Variants in MSRA observed in about 807,000 individuals in gnomAD.
The protein encoded by MSRA is methionine sulfoxide reductase A, also known as mitochondrial peptide methionine sulfoxide reductase.
A neutral mutation model predicts 31.3 loss-of-function variants in MSRA; 54 were observed. That is an observed-to-expected ratio of 1.73 (90% CI 1.39 to 2.17). The LOEUF (loss-of-function observed/expected upper bound fraction) is 2.17. Ranked by LOEUF, MSRA falls within the 30% of genes most tolerant of loss-of-function variation. The probability of loss-of-function intolerance (pLI) is 0.00; values close to 1 mark genes in which losing one functional copy is unlikely to be tolerated. For missense variants in MSRA, 507 were observed against 300.9 expected (o/e 1.69, Z -5.07); for synonymous variants, 169 against 116.5 (o/e 1.45, Z -2.90).
chr8:10,265,528 A>G (rs1489472404), intron 3 of MSRA, among the ~76,000 whole-genome samples: 14 of 152,368 alleles, frequency 9.2e-5, no homozygotes, highest in African/African-American at 3.4e-4. Context: ...ATTGTCAGGC[A>G]GCTAGCCCAT....
At chr8:10,077,238 C>T (rs1310511420) in intron 1 of MSRA, among the ~76,000 whole-genome samples, 3 of 152,046 alleles carry the variant, frequency 2.0e-5, no homozygotes, top group East Asian at 1.9e-4. Flanking sequence ...AGAGGGAGGG[C>T]GAGAGCCAGG....
At chr8:10,070,423 G>A (rs984180395) in intron 1 of MSRA, among the ~76,000 whole-genome samples, 5 of 152,170 alleles carry the variant, frequency 3.3e-5, no homozygotes, top group African/African-American at 1.2e-4. Flanking sequence ...TTTCAATTAA[G>A]TTTTAAATTT....
intron 5 of MSRA, among the ~76,000 whole-genome samples, chr8:10,390,179 C>T (rs562374898): frequency 2.0e-5 from 3 of 152,202 alleles, no homozygotes; most frequent in Admixed American, 1.3e-4. Flanking sequence ...GGGGAGTGCT[C>T]GGCACCTATA....
intron 1 of MSRA, among the ~76,000 whole-genome samples, chr8:10,142,903 C>G (rs1343116330): frequency 6.6e-6 from 1 of 152,014 alleles, no homozygotes; most frequent in Non-Finnish European, 1.5e-5. Flanking sequence ...TTTTTATTTC[C>G]AAAAACTCTA....
chr8:10,131,386 A>G (rs932500737), intron 1 of MSRA, among the ~76,000 whole-genome samples: 1 of 152,234 alleles, frequency 6.6e-6, no homozygotes, highest in African/African-American at 2.4e-5. Context: ...TTTCAAGGAT[A>G]TGTAGGATTT....
chr8:10,124,344 C>A (rs17689674), intron 1 of MSRA, among the ~76,000 whole-genome samples: 81,049 of 151,972 alleles, frequency 0.53, 22,678 homozygotes, highest in East Asian at 0.96. Flanking sequence ...AGGGCTTTTC[C>A]CTAAGGAGAG....
chr8:10,169,553 G>A (rs1805424508), intron 1 of MSRA, among the ~76,000 whole-genome samples: 1 of 152,194 alleles, frequency 6.6e-6, no homozygotes, highest in South Asian at 2.1e-4. Flanking sequence ...CTGTGACTTT[G>A]TGTTAGGCAA....
At chr8:10,098,220 T>A (rs551113045) in intron 1 of MSRA, among the ~76,000 whole-genome samples, 1 of 152,284 alleles carries the variant, frequency 6.6e-6, no homozygotes, top group South Asian at 2.1e-4. Context: ...TACTATTGGT[T>A]TGATTGTAAA....
chr8:10,176,988 A>G (rs1238268906), intron 1 of MSRA, among the ~76,000 whole-genome samples: 1 of 152,248 alleles, frequency 6.6e-6, no homozygotes, highest in Non-Finnish European at 1.5e-5. Flanking sequence ...ACCCAGTTTC[A>G]TAAATGAAGC....
chr8:10,193,584 G>A (rs1476549554), intron 1 of MSRA, among the ~76,000 whole-genome samples: 3 of 152,130 alleles, frequency 2.0e-5, no homozygotes, highest in Non-Finnish European at 4.4e-5. Flanking sequence ...TGTGTTTAAA[G>A]AGCCACTACC....
At chr8:10,160,353 G>A (rs1804524659) in intron 1 of MSRA, among the ~76,000 whole-genome samples, 1 of 151,998 alleles carries the variant, frequency 6.6e-6, no homozygotes, top group Non-Finnish European at 1.5e-5. Context: ...AAATTAGCCA[G>A]GCGTGGTGGT....
intron 2 of MSRA, among the ~76,000 whole-genome samples, 176 bp downstream of exon 2, chr8:10,208,077 ATTC>A: frequency 6.6e-6 from 1 of 152,224 alleles, no homozygotes; most frequent in Non-Finnish European, 1.5e-5. Flanking sequence ...GGAAAAGCTT[ATTC>A]TATAGAATTT....
intron 5 of MSRA, among the ~76,000 whole-genome samples, chr8:10,347,726 G>A (rs115595440): frequency 0.012 from 1,813 of 152,240 alleles, 41 homozygotes; most frequent in African/African-American, 0.041. Context: ...GCTCTCAACC[G>A]TATGAAATAA....
In MSRA at chr8:10,057,322, C is replaced by T. The variant is rs144622025; in HGVS notation, c.142+2664C>T. Among the ~76,000 whole-genome samples the T allele has an allele frequency of 8.5e-5, 13 of 152,236 alleles. No individual in the cohort carries two copies. The East Asian group carries it at 2.5e-3, about 29-fold the overall frequency. ...GTCTCATTGTGCTTCAGTGCCTGAC[C>T]ACCAAGCAATACTCTGAGAACTTGG... On this transcript the variant is annotated intron_variant, in intron 1 of 5. Transcript: ENST00000317173.
At chr8:10,358,528 G>A (rs1585575109) in intron 5 of MSRA, among the ~76,000 whole-genome samples, 1 of 132,234 alleles carries the variant, frequency 7.6e-6, no homozygotes, top group Non-Finnish European at 1.5e-5. Flanking sequence ...TACCACCTCA[G>A]CTCCGCCTCC....
At chr8:10,332,757 GA>G (rs1452543928) in intron 5 of MSRA, among the ~76,000 whole-genome samples, 4 of 152,142 alleles carry the variant, frequency 2.6e-5, no homozygotes, top group African/African-American at 9.7e-5. Context: ...ACTGTATTTA[GA>G]AATCTCTGTA....
At chr8:10,105,078 C>T (rs1478096560) in intron 1 of MSRA, among the ~76,000 whole-genome samples, 1 of 152,158 alleles carries the variant, frequency 6.6e-6, no homozygotes, top group Admixed American at 6.5e-5. Context: ...ATTTCCTTTT[C>T]TGTGCATTCT....
chr8:10,109,894 G>A (rs527804930), intron 1 of MSRA, among the ~76,000 whole-genome samples: 1 of 152,298 alleles, frequency 6.6e-6, no homozygotes, highest in East Asian at 1.9e-4. Context: ...CTTAGGCTCT[G>A]GGTTTTAACA....
chr8:10,211,430 C>T (rs933288580), intron 2 of MSRA, among the ~76,000 whole-genome samples: 10 of 152,080 alleles, frequency 6.6e-5, no homozygotes, highest in East Asian at 1.9e-4. Context: ...ACAATGAGAA[C>T]GAAGGTAATA....
Sources: allele counts gnomAD v4.1 joint callset (sites outside exome capture counted in the v4.1 genomes callset), GRCh38; gene constraint gnomAD v4.1.1; transcripts MANE v1.5; gene names NCBI Gene and HGNC (gene_info 2026-07-23, HGNC 2026-07-21).